SLMAP: variants seen among roughly 807,000 people sequenced by gnomAD.
SLMAP encodes sarcolemma associated protein.
SLMAP carries 44 observed loss-of-function variants against 128.8 expected under a neutral mutation model. The observed-to-expected ratio is 0.34, with a 90% confidence interval of 0.27 to 0.44. The LOEUF (loss-of-function observed/expected upper bound fraction) is 0.44, where lower values mean the gene tolerates loss of function less well. Among genes scored for constraint, SLMAP ranks in the 20% least tolerant of loss-of-function variants. The pLI, the probability that SLMAP is intolerant of heterozygous loss-of-function variation, is 1.00. For synonymous variants in SLMAP, 327 were observed against 348.8 expected (o/e 0.94, Z 0.70); for missense variants, 787 against 985.3 (o/e 0.80, Z 2.69).
At chr3:57,762,832 C>T (rs969212158) in intron 2 of SLMAP, among the ~76,000 whole-genome samples, 1 of 150,638 alleles carries the variant, frequency 6.6e-6, no homozygotes, top group African/African-American at 2.4e-5. Flanking sequence ...TCTTCTGCCT[C>T]AGCTTCCCAA....
intron 14 of SLMAP, 103 bp downstream of exon 14, chr3:57,871,801 G>A (rs2095485665): frequency 1.2e-6 from 1 of 820,636 alleles, no homozygotes; most frequent in Non-Finnish European, 2.0e-6. Flanking sequence ...TATAGCAGAA[G>A]TGCTTAAAGG....
intron 6 of SLMAP, among the ~76,000 whole-genome samples, chr3:57,850,702 C>T (rs1217355448): frequency 6.6e-6 from 1 of 152,138 alleles, no homozygotes; most frequent in African/African-American, 2.4e-5. Flanking sequence ...GGTACAATCT[C>T]AGCTCACTAC....
intron 2 of SLMAP, among the ~76,000 whole-genome samples, chr3:57,812,794 T>C (rs961815899): frequency 1.4e-4 from 21 of 152,066 alleles, no homozygotes; most frequent in African/African-American, 5.1e-4. Flanking sequence ...AATTCCTAAG[T>C]TAATTCATTA....
At chr3:57,868,192 C>T (rs2095358442) in intron 13 of SLMAP, among the ~76,000 whole-genome samples, 1 of 152,082 alleles carries the variant, frequency 6.6e-6, no homozygotes. Context: ...CCCAGGAGGT[C>T]AAGGCTGCAG....
At chr3:57,914,212 C>A (rs770173138) in intron 21 of SLMAP, among the ~76,000 whole-genome samples, 1 of 151,886 alleles carries the variant, frequency 6.6e-6, no homozygotes, top group East Asian at 1.9e-4. Flanking sequence ...TTATTCCGGC[C>A]GGGTGTGGAC....
chr3:57,925,729 G>C (rs113890904), intron 23 of SLMAP, 116 bp from the exon 24 acceptor site: 10 of 698,794 alleles, frequency 1.4e-5, no homozygotes, highest in African/African-American at 1.4e-4. Flanking sequence ...AACCTGAGTG[G>C]TATACTTCTA....
intron 4 of SLMAP, among the ~76,000 whole-genome samples, chr3:57,846,502 T>A (rs925236701): frequency 2.0e-5 from 3 of 151,982 alleles, no homozygotes; most frequent in Admixed American, 6.6e-5. Flanking sequence ...TGTATAGGAA[T>A]GTTTAATTTT....
At chr3:57,766,171 T>TTTTTC (rs1220288495) in intron 2 of SLMAP, among the ~76,000 whole-genome samples, 1 of 138,770 alleles carries the variant, frequency 7.2e-6, no homozygotes. Flanking sequence ...GCTAATTTTT[T>TTTTTC]TTTTTTTTTT....
chr3:57,919,510 A>G (rs980015684), intron 22 of SLMAP, among the ~76,000 whole-genome samples: 5 of 152,098 alleles, frequency 3.3e-5, no homozygotes, highest in Non-Finnish European at 7.4e-5. Context: ...TTAAGAATTT[A>G]TAGGCCAGGT....
In SLMAP at chr3:57,907,953, T is replaced by C; in HGVS notation, c.1571T>C (p.Ile524Thr). The C allele has an allele frequency of 6.2e-7, 1 of 1,614,016 alleles. No individual in the cohort carries two copies. Among genetic ancestry groups the C allele is most frequent in the Non-Finnish European group, 8.5e-7 (1 of 1,179,900 alleles). Reference sequence around the variant, plus strand: ...ATACAGCATCTTCGAAAGGAATTGATCGAAGCCCAGGAGCTAGCTAGAACA... The same window carrying C: ...ATACAGCATCTTCGAAAGGAATTGACCGAAGCCCAGGAGCTAGCTAGAACA... ...QEIQHLRKEL[I>T]EAQELARTSK... Residue 524 changes from isoleucine to threonine, a missense_variant, in exon 18 of 25, where the codon ATC becomes ACC. By Grantham distance (89) the Ile-to-Thr change is moderately conservative. Coordinates refer to ENST00000671191, the MANE Select transcript of SLMAP (RefSeq NM_001377540.1).
intron 19 of SLMAP, among the ~76,000 whole-genome samples, chr3:57,910,279 T>C (rs1289670580): frequency 6.6e-6 from 1 of 152,132 alleles, no homozygotes; most frequent in Non-Finnish European, 1.5e-5. Context: ...AACCTCCGTC[T>C]CCCGAGTTCA....
intron 21 of SLMAP, among the ~76,000 whole-genome samples, chr3:57,916,618 A>G (rs1259728758): frequency 6.6e-6 from 1 of 152,188 alleles, no homozygotes; most frequent in Non-Finnish European, 1.5e-5. Flanking sequence ...TTCATGATGA[A>G]ATTAATACAA....
At chr3:57,790,309 G>A (rs1160460776) in intron 2 of SLMAP, among the ~76,000 whole-genome samples, 2 of 152,216 alleles carry the variant, frequency 1.3e-5, no homozygotes, top group South Asian at 2.1e-4. Context: ...GCTAAGGACT[G>A]CTTACTATGG....
intron 17 of SLMAP, among the ~76,000 whole-genome samples, chr3:57,904,658 C>T (rs1217361760): frequency 6.6e-6 from 1 of 152,096 alleles, no homozygotes; most frequent in Non-Finnish European, 1.5e-5. Flanking sequence ...CCTGTAATCC[C>T]AGCACTTTGG....
chr3:57,886,296 A>G (rs920418187), intron 14 of SLMAP, among the ~76,000 whole-genome samples: 22 of 150,806 alleles, frequency 1.5e-4, no homozygotes, highest in African/African-American at 5.4e-4. Flanking sequence ...CCGGGTTTTC[A>G]CCATGTTGGC....
At chr3:57,827,433 C>T (rs528594786) in intron 2 of SLMAP, among the ~76,000 whole-genome samples, 164 of 152,316 alleles carry the variant, frequency 1.1e-3, no homozygotes, top group African/African-American at 3.8e-3. Flanking sequence ...TGAAGTTAAT[C>T]AGCAAGAGAC....
At chr3:57,822,736 G>T (rs2092623206) in intron 2 of SLMAP, among the ~76,000 whole-genome samples, 1 of 152,150 alleles carries the variant, frequency 6.6e-6, no homozygotes, top group Non-Finnish European at 1.5e-5. Flanking sequence ...TTTAATTGCT[G>T]AGGTGCCAGC....
intron 2 of SLMAP, among the ~76,000 whole-genome samples, chr3:57,784,183 C>T (rs1207776744): frequency 7.2e-5 from 11 of 152,118 alleles, no homozygotes; most frequent in Admixed American, 7.2e-4. Context: ...AAGCAGCCCC[C>T]AAGACCACAG....
chr3:57,874,293 A>G (rs1397559056), intron 14 of SLMAP, among the ~76,000 whole-genome samples: 1 of 152,220 alleles, frequency 6.6e-6, no homozygotes, highest in Non-Finnish European at 1.5e-5. Flanking sequence ...CCCCGTCTCT[A>G]AAAAATAAAA....
Sources: allele counts gnomAD v4.1 joint callset (sites outside exome capture counted in the v4.1 genomes callset), GRCh38; gene constraint gnomAD v4.1.1; transcripts MANE v1.5; gene names NCBI Gene and HGNC (gene_info 2026-07-23, HGNC 2026-07-21).